The following CSRP1 variants were observed in gnomAD, a reference collection of about 807,000 sequenced individuals.
The protein encoded by CSRP1 is cysteine and glycine-rich protein 1.
A neutral mutation model predicts 25.4 loss-of-function variants in CSRP1; 16 were observed. The observed-to-expected ratio is 0.63, with a 90% confidence interval of 0.43 to 0.96. The LOEUF is 0.96. Among genes scored for constraint, CSRP1 ranks in the 40% least tolerant of loss-of-function variants. CSRP1 has a pLI of 0.00. For synonymous variants in CSRP1, 97 were observed against 95.3 expected, an observed-to-expected ratio of 1.02 and a Z score of -0.10; for missense variants, 212 against 243.6, an observed-to-expected ratio of 0.87 and a Z score of 0.86.
chr1:201,485,526 T>C (rs558637982), intron 4 of CSRP1, 150 bp from the exon 5 acceptor site: 1 of 678,960 alleles, frequency 1.5e-6, no homozygotes, highest in South Asian at 1.7e-5. Flanking sequence ...ACATGGCCTA[T>C]GGTGCAAGGC....
In CSRP1 at chr1:201,484,534, G is replaced by A; in HGVS notation, c.*179C>T. The A allele has an allele frequency of 1.6e-6, 1 of 627,678 alleles. No homozygotes were observed. The highest frequency in any genetic ancestry group is 1.8e-5 in the African/African-American group (1 of 54,202). The allele number at this position is 627,678 out of a possible 1,614,324, so 38.9% of individuals were successfully genotyped here. On this transcript the variant is annotated 3_prime_UTR_variant, in exon 6 of 6. Coordinates refer to ENST00000340006, the MANE Select transcript of CSRP1 (RefSeq NM_004078.3). ...GATCCCAGGCCTGGGGAGCCCTTTA[G>A]TGGGGTGGGACCTCAGGCAGACCCC...
In CSRP1 at chr1:201,500,263, C is replaced by A. The variant is rs183464519; in HGVS notation, c.-1-3959G>T. ...CCCTAAGGGAGGAAAATTCCCCTAG[C>A]CACATGGTTGGGAGCCAGTTCCAAG... On this transcript the variant is annotated intron_variant, in intron 1 of 5. Transcript: ENST00000340006. 3.7e-3 allele frequency among the ~76,000 whole-genome samples: 560 copies of A among 152,356 alleles called. 12 individuals are homozygous for A. In the South Asian group the frequency reaches 0.065, roughly 18 times the overall value.
intron 2 of CSRP1, chr1:201,491,756 T>C (rs976502217): frequency 3.9e-5 from 6 of 152,232 alleles, no homozygotes; most frequent in South Asian, 2.1e-4. Context: ...AGCATCTCAG[T>C]TGGACGCATC....
chr1:201,505,803 T>C (rs1460321454), intron 1 of CSRP1, among the ~76,000 whole-genome samples: 2 of 152,054 alleles, frequency 1.3e-5, no homozygotes, highest in East Asian at 3.9e-4. Context: ...GAGGCAGCAG[T>C]TGAGTGAGAG....
rs1256302255 is a variant in CSRP1, at chr1:201,484,727, C to A, written c.568G>T (p.Val190Phe). ...FGFGQGAGAL[V>F]HSE Reference sequence around the variant, plus strand: ...TGATGGTGGCCTCACTCAGAGTGGACCAAGGCCCCAGCTCCTTGCCCAAAA... The same window carrying A: ...TGATGGTGGCCTCACTCAGAGTGGAACAAGGCCCCAGCTCCTTGCCCAAAA... Residue 190 changes from valine to phenylalanine, a missense_variant, in exon 6 of 6, where the codon GTC becomes TTC. Physicochemically the swap from Val to Phe is conservative, Grantham distance 50. Transcript: ENST00000340006. 1.2e-6 allele frequency: 2 copies of A among 1,611,092 alleles called. No individual in the cohort carries two copies. Among genetic ancestry groups the A allele is most frequent in the Non-Finnish European group, 1.7e-6 (2 of 1,179,388 alleles).
intron 1 of CSRP1, among the ~76,000 whole-genome samples, chr1:201,498,486 T>C (rs920977789): frequency 3.9e-5 from 6 of 152,136 alleles, no homozygotes; most frequent in African/African-American, 1.4e-4. Flanking sequence ...CACATGGAAA[T>C]GTTGAAAACC....
intron 4 of CSRP1, chr1:201,486,957 C>T (rs1436913522): frequency 7.7e-7 from 1 of 1,292,954 alleles, no homozygotes; most frequent in Admixed American, 2.5e-5. Context: ...ATTAATGTCT[C>T]CTGTTTTCAT....
At position 201,486,769 on chromosome 1, in the gene CSRP1, G is replaced by T. The variant is rs995187343; in HGVS notation, c.412-1393C>A. The T allele has an allele frequency of 3.1e-5, 33 of 1,072,472 alleles. No individual in the cohort carries two copies. The African/African-American group carries it at 4.6e-4, about 15-fold the overall frequency. 66.4% of individuals were successfully genotyped at this position (1,072,472 alleles called of 1,614,324 possible). A position where few individuals can be genotyped will look rare whatever the true frequency, so the allele number is the denominator to read the frequency against. Reference sequence around the variant, plus strand: ...ATTTCTTGAGCGAGGCAATAGAAAGGTGGGGCTTCTCCCTACCTTTTCCAC... The same window carrying T: ...ATTTCTTGAGCGAGGCAATAGAAAGTTGGGGCTTCTCCCTACCTTTTCCAC... On this transcript the variant is annotated intron_variant, in intron 4 of 5. Coordinates refer to ENST00000340006, the MANE Select transcript of CSRP1 (RefSeq NM_004078.3).
Position 201,483,774 on chromosome 1 carries a change from G to A in CSRP1, c.*939C>T, listed in dbSNP as rs1386874458. ...GAAGAGGCAGGGTCTTGGGTTAAAGGGAAGATTCTGAGGTCTCAGGGCAAA... is the reference window on the plus strand; with the variant it reads ...GAAGAGGCAGGGTCTTGGGTTAAAGAGAAGATTCTGAGGTCTCAGGGCAAA... On this transcript the variant is annotated 3_prime_UTR_variant, in exon 6 of 6. Coordinates refer to ENST00000340006, the MANE Select transcript of CSRP1 (RefSeq NM_004078.3). 1 of 475,734 alleles carries A rather than the reference G, an allele frequency of 2.1e-6. No individual in the cohort carries two copies. The highest frequency in any genetic ancestry group is 1.9e-5 in the African/African-American group (1 of 52,534). 29.5% of individuals were successfully genotyped at this position (475,734 alleles called of 1,614,324 possible).
intron 1 of CSRP1, among the ~76,000 whole-genome samples, chr1:201,505,430 A>AC (rs1664797707): frequency 6.6e-6 from 1 of 152,230 alleles, no homozygotes; most frequent in Non-Finnish European, 1.5e-5. Flanking sequence ...CAAATAGGCC[A>AC]CAGCACCCCT....
At chr1:201,496,450 C>G in intron 1 of CSRP1, 146 bp from the exon 2 acceptor site, 1 of 681,056 alleles carries the variant, frequency 1.5e-6, no homozygotes, top group Non-Finnish European at 2.6e-6. Context: ...TGGCAGAGCA[C>G]TTTCTGCTAG....
In CSRP1 at chr1:201,484,277, C is replaced by CA. The variant is rs953712909; in HGVS notation, c.*435dup. The CA allele has an allele frequency of 8.0e-5, 41 of 509,330 alleles. No individual in the cohort carries two copies. The East Asian group carries it at 9.9e-4, about 12-fold the overall frequency. The allele number at this position is 509,330 out of a possible 1,614,324, so 31.6% of individuals were successfully genotyped here. A position where few individuals can be genotyped will look rare whatever the true frequency, so the allele number is the denominator to read the frequency against. Reference sequence around the variant, plus strand: ...CCCACAGAGGAGAATCTCTGAGATCCAAAAAACCCAGCCTTCCCCCCTCCT... The same window carrying CA: ...CCCACAGAGGAGAATCTCTGAGATCCAAAAAAACCCAGCCTTCCCCCCTCCT... On this transcript the variant is annotated 3_prime_UTR_variant, in exon 6 of 6. Transcript: ENST00000340006.
At position 201,496,295 on chromosome 1, in the gene CSRP1, G is replaced by T. The variant is rs766752796; in HGVS notation, c.9C>A (p.Asn3Lys). The T allele has an allele frequency of 6.2e-7, 1 of 1,613,562 alleles. No individual in the cohort carries two copies. Among genetic ancestry groups the T allele is most frequent in the Non-Finnish European group, 8.5e-7 (1 of 1,179,624 alleles). ...CCCCACATTTCTTGCCTCCTCCCCA[G>T]TTCGGCATTCTGAAAAGGGACACAG... MPNWGGGKKCGVC... is the reference protein window; with the variant it reads MPKWGGGKKCGVC... The change falls in exon 2 of 6, where the codon AAC becomes AAA. Residue 3 changes from asparagine to lysine, a missense_variant. Physicochemically the swap from Asn to Lys is moderately conservative, Grantham distance 94. Transcript: ENST00000340006.
At chr1:201,502,095 A>G (rs1557977185) in intron 1 of CSRP1, among the ~76,000 whole-genome samples, 2 of 152,214 alleles carry the variant, frequency 1.3e-5, no homozygotes, top group African/African-American at 2.4e-5. Flanking sequence ...ACTGCCAGCC[A>G]CCAGTGTCTG....
chr1:201,484,716 C>A lies in CSRP1; in HGVS notation c.579G>T (p.Glu193Asp), dbSNP rs755173983. 92 of 1,610,342 alleles carry A rather than the reference C, an allele frequency of 5.7e-5. No homozygotes were observed. Among genetic ancestry groups the A allele is most frequent in the South Asian group, 4.5e-5 (4 of 89,670 alleles). Residue 193 changes from glutamate to aspartate, a missense_variant, in exon 6 of 6, where the codon GAG becomes GAT. Physicochemically the swap from Glu to Asp is conservative, Grantham distance 45 (BLOSUM62 2). Transcript: ENST00000340006. Reference protein sequence around the residue: ...GQGAGALVHSE With the variant: ...GQGAGALVHSD ...GGTGTGGTGGGTGATGGTGGCCTCA[C>A]TCAGAGTGGACCAAGGCCCCAGCTC...
At chr1:201,506,402 T>C (rs998060656) in intron 1 of CSRP1, among the ~76,000 whole-genome samples, 3 of 152,228 alleles carry the variant, frequency 2.0e-5, no homozygotes, top group Admixed American at 2.0e-4. Context: ...TACCAGTAGA[T>C]ACAATACCTG....
intron 1 of CSRP1, among the ~76,000 whole-genome samples, chr1:201,497,243 T>C (rs1664541970): frequency 6.7e-6 from 1 of 149,446 alleles, no homozygotes; most frequent in Non-Finnish European, 1.5e-5. Context: ...CCTGTAATCC[T>C]AGCTACTCTG....
At chr1:201,498,949 T>C (rs1664587799) in intron 1 of CSRP1, among the ~76,000 whole-genome samples, 1 of 152,198 alleles carries the variant, frequency 6.6e-6, no homozygotes, top group Non-Finnish European at 1.5e-5. Flanking sequence ...TCCCAGGTTC[T>C]GGAGCAGCCG....
In CSRP1 at chr1:201,503,477, G is replaced by T. The variant is rs527262570; in HGVS notation, c.-2+3593C>A. On this transcript the variant is annotated intron_variant, in intron 1 of 5. Transcript: ENST00000340006. The stretch of plus-strand genomic sequence containing the variant: ...ATAAAGAAAGCCAGGCACACAGTCG[G>T]GGGTAGGGGGTGCTGGCTGCCTAGC... 4.5e-4 allele frequency among the ~76,000 whole-genome samples: 68 copies of T among 152,284 alleles called. 1 individual carries two copies. The South Asian group carries it at 9.7e-3, about 22-fold the overall frequency.
Sources: allele counts gnomAD v4.1 joint callset (sites outside exome capture counted in the v4.1 genomes callset), GRCh38; gene constraint gnomAD v4.1.1; transcripts MANE v1.5; gene names NCBI Gene and HGNC (gene_info 2026-07-23, HGNC 2026-07-21).